Variants in MUC5B observed in about 807,000 individuals in gnomAD.
The protein encoded by MUC5B is mucin-5B.
Under a neutral mutation model 376.9 loss-of-function variants are expected in MUC5B, and 116 were observed. That is an observed-to-expected ratio of 0.31 (90% CI 0.26 to 0.36). The LOEUF (loss-of-function observed/expected upper bound fraction) is 0.36. MUC5B is among the 10% of genes least tolerant of loss of function. The pLI, the probability that MUC5B is intolerant of heterozygous loss-of-function variation, is 1.00. For missense variants in MUC5B, 7,165 were observed against 7,769.9 expected (o/e 0.92, Z 2.93); for synonymous variants, 3,517 against 3,390.9 (o/e 1.04, Z -1.29).
In MUC5B at chr11:1,235,243, A is replaced by G. The variant is rs2133816444; in HGVS notation, c.2769+20A>G. On this transcript the variant is annotated intron_variant, in intron 22 of 48. Coordinates refer to ENST00000529681, the MANE Select transcript of MUC5B (RefSeq NM_002458.3). Reference sequence around the variant, plus strand: ...GCCCAGGTACGCCGCCCCCTCGCCCACTCCTGCAGGCCGGGCACACTCCAG... The same window carrying G: ...GCCCAGGTACGCCGCCCCCTCGCCCGCTCCTGCAGGCCGGGCACACTCCAG... 2 of 1,609,828 alleles carry G rather than the reference A, an allele frequency of 1.2e-6. No homozygotes were observed. The highest frequency in any genetic ancestry group is 1.7e-6 in the Non-Finnish European group (2 of 1,177,912).
Position 1,229,184 on chromosome 11 carries a change from C to G in MUC5B, c.991C>G (p.Leu331Val), listed in dbSNP as rs764752557. 5 of 1,597,012 alleles carry G rather than the reference C, an allele frequency of 3.1e-6. No individual in the cohort carries two copies. Among genetic ancestry groups the G allele is most frequent in the African/African-American group, 1.3e-5 (1 of 74,622 alleles). ...CTTTTGCGCAGCCCGGACCTGCCCCCTCAACATGCAGCACCAGGAGTGTGG... is the reference window on the plus strand; with the variant it reads ...CTTTTGCGCAGCCCGGACCTGCCCCGTCAACATGCAGCACCAGGAGTGTGG... ...CPELCPRTCP[L>V]NMQHQECGSP... Residue 331 changes from leucine to valine, a missense_variant, in exon 9 of 49, where the codon CTC becomes GTC. By Grantham distance (32) the Leu-to-Val change is conservative. Coordinates refer to ENST00000529681, the MANE Select transcript of MUC5B (RefSeq NM_002458.3).
rs371537386 is a variant in MUC5B at position 1,230,538 on chromosome 11, G to A, written c.1408G>A (p.Gly470Ser). 30 of 1,611,582 alleles carry A rather than the reference G, an allele frequency of 1.9e-5. No homozygotes were observed. The highest frequency in any genetic ancestry group is 1.4e-4 in the South Asian group (13 of 90,822). The change falls in exon 12 of 49, where the codon GGC becomes AGC. Residue 470 changes from glycine to serine, a missense_variant. Transcript: ENST00000529681. ...CGTGCTGGCTGAGCTGCGGAAGTGC[G>A]GCCTGACGGACAACGAGAACTGCCT... ...FTVLAELRKC[G>S]LTDNENCLKA...
chr11:1,246,348 C>T lies in MUC5B; in HGVS notation c.9468C>T (p.Ser3156=), dbSNP rs779485206. ...AATGPTATPS[S]TPGTTWILTE... is the part of the protein sequence containing the mutation. ...CTGGCCCCACGGCCACCCCGTCCTC[C>T]ACCCCAGGGACCACCTGGATCCTCA... The change falls in exon 31 of 49, where the codon TCC becomes TCT. Residue 3156 remains serine (S), a synonymous_variant. Coordinates refer to ENST00000529681, the MANE Select transcript of MUC5B (RefSeq NM_002458.3). The T allele has an allele frequency of 1.2e-6, 2 of 1,603,690 alleles. No homozygotes were observed. The highest frequency in any genetic ancestry group is 1.7e-6 in the Non-Finnish European group (2 of 1,173,346).
chr11:1,244,912 T>C lies in MUC5B; in HGVS notation c.8032T>C (p.Ser2678Pro), dbSNP rs553749352. 1 of 1,593,554 alleles carries C rather than the reference T, an allele frequency of 6.3e-7. No homozygotes were observed. The highest frequency in any genetic ancestry group is 1.4e-5 in the African/African-American group (1 of 70,292). The change falls in exon 31 of 49, where the codon TCC (serine) becomes CCC (proline). Residue 2678 changes from serine (S) to proline (P), a missense_variant. Physicochemically the swap from Ser to Pro is moderately conservative, Grantham distance 74. Coordinates refer to ENST00000529681, the MANE Select transcript of MUC5B (RefSeq NM_002458.3). Reference protein sequence around the residue: ...TVATGSMATPSSSTQTSGTPP... With the variant: ...TVATGSMATPPSSTQTSGTPP... ...GGCCACTGGTTCTATGGCAACACCC[T>C]CCTCTAGCACACAGACCAGTGGTAC...
At chr11:1,240,776 T>C in intron 30 of MUC5B, 75 bp from the exon 31 acceptor site, 1 of 1,393,378 alleles carries the variant, frequency 7.2e-7, no homozygotes, top group Non-Finnish European at 9.7e-7. Context: ...GAAAGGGTCC[T>C]CTGGGGCCCC....
At chr11:1,252,759 T>C in intron 32 of MUC5B, 50 bp from the exon 33 acceptor site, 1 of 1,546,884 alleles carries the variant, frequency 6.5e-7, no homozygotes, top group South Asian at 1.2e-5. Context: ...GAGCCGTGGA[T>C]GGGTCCCGTG....
rs914026271 is a variant in MUC5B, at chr11:1,233,351, C to T, written c.2321+83C>T. ...CTCCCCGAAGGCTTCTGTGCCTCCC[C>T]CCGAGGGTTCTGAGACATGAGGGGC... On this transcript the variant is annotated intron_variant, in intron 18 of 48. Transcript: ENST00000529681. 5.7e-6 allele frequency: 8 copies of T among 1,405,084 alleles called. No individual in the cohort carries two copies. In the East Asian group the frequency reaches 7.5e-5, roughly 13 times the overall value. The allele number at this position is 1,405,084 out of a possible 1,614,324, so 87.0% of individuals were successfully genotyped here. A position where few individuals can be genotyped will look rare whatever the true frequency, so the allele number is the denominator to read the frequency against.
Position 1,243,711 on chromosome 11 carries a change from G to T in MUC5B, c.6831G>T (p.Thr2277=), listed in dbSNP as rs200834421. ...GGACGACCACCCCGGGCCACACCACGGCCACCTCCAGGACCACAGCCACGG... is the reference window on the plus strand; with the variant it reads ...GGACGACCACCCCGGGCCACACCACTGCCACCTCCAGGACCACAGCCACGG... ...SPGTTTPGHT[T]ATSRTTATAT... Residue 2277 remains threonine, a synonymous_variant, in exon 31 of 49, where the codon ACG becomes ACT. Transcript: ENST00000529681. 4.3e-6 allele frequency: 7 copies of T among 1,611,014 alleles called. No homozygotes were observed. The highest frequency in any genetic ancestry group is 5.9e-6 in the Non-Finnish European group (7 of 1,179,516).
At position 1,261,940 on chromosome 11, in the gene MUC5B, G is replaced by A. The variant is rs891618228; in HGVS notation, c.*332G>A. On this transcript the variant is annotated 3_prime_UTR_variant, in exon 49 of 49. Coordinates refer to ENST00000529681, the MANE Select transcript of MUC5B (RefSeq NM_002458.3). ...TGTCCCTGCCACGGCCGGAGCGCCC[G>A]CGCAGCACGGATTCCAGCTGGCCAC... 3.1e-5 allele frequency: 17 copies of A among 541,266 alleles called. No homozygotes were observed. The highest frequency in any genetic ancestry group is 7.5e-5 in the African/African-American group (4 of 53,428). The allele number at this position is 541,266 out of a possible 1,614,324, so 33.5% of individuals were successfully genotyped here.
chr11:1,233,668 G>C (rs1486492664), intron 18 of MUC5B, 125 bp from the exon 19 acceptor site: 1 of 898,314 alleles, frequency 1.1e-6, no homozygotes, highest in Non-Finnish European at 1.8e-6. Flanking sequence ...AGCAGGCACC[G>C]TCTGGCCTTA....
chr11:1,249,910 C>G lies in MUC5B; in HGVS notation c.13030C>G (p.Pro4344Ala). 1.2e-6 allele frequency: 2 copies of G among 1,613,238 alleles called. No individual in the cohort carries two copies. Among genetic ancestry groups the G allele is most frequent in the Non-Finnish European group, 1.7e-6 (2 of 1,179,716 alleles). Residue 4344 changes from proline to alanine, a missense_variant, in exon 31 of 49, where the codon CCC becomes GCC. This residue lies in a region of MUC5B where 431 missense variants were observed against 390.4 expected (regional missense o/e 1.10). Transcript: ENST00000529681. ...TGTLPEQTTT[P>A]VATMSTIHPS... is the part of the protein sequence containing the mutation. ...GACCCTCCCAGAACAGACCACCACA[C>G]CCGTGGCCACCATGTCCACAATCCA...
rs767032586 is a variant in MUC5B at position 1,242,859 on chromosome 11, C to A, written c.5979C>A (p.Thr1993=). The part of the protein sequence containing the change: ...IPSSSLGTTW[T]RLSQTTTPTA... Reference sequence around the variant, plus strand: ...CTTCCTCCCTGGGCACCACCTGGACCCGCCTATCACAGACCACCACACCCA... The same window carrying A: ...CTTCCTCCCTGGGCACCACCTGGACACGCCTATCACAGACCACCACACCCA... The change falls in exon 31 of 49, where the codon ACC becomes ACA. Residue 1993 remains threonine (T), a synonymous_variant. Coordinates refer to ENST00000529681, the MANE Select transcript of MUC5B (RefSeq NM_002458.3). 1.9e-6 allele frequency: 3 copies of A among 1,613,296 alleles called. No individual in the cohort carries two copies. The African/African-American group carries it at 4.0e-5, about 22-fold the overall frequency.
In MUC5B at chr11:1,232,020, A is replaced by C; in HGVS notation, c.1703A>C (p.Asn568Thr). The C allele has an allele frequency of 6.2e-7, 1 of 1,612,728 alleles. No homozygotes were observed. The highest frequency in any genetic ancestry group is 8.5e-7 in the Non-Finnish European group (1 of 1,179,810). Residue 568 changes from asparagine (N) to threonine (T), a missense_variant, in exon 15 of 49, where the codon AAC becomes ACC. By Grantham distance (65) the Asn-to-Thr change is moderately conservative (BLOSUM62 0). Transcript: ENST00000529681. ...GGCCTGTGTGGGAACTTCAACCAGA[A>C]CCAGGCTGACGACTTCACGGCCCTC... Reference protein sequence around the residue: ...MCGLCGNFNQNQADDFTALSG... With the variant: ...MCGLCGNFNQTQADDFTALSG...
chr11:1,233,154 C>T lies in MUC5B; in HGVS notation c.2207C>T (p.Ala736Val), dbSNP rs748784024. The change falls in exon 18 of 49, where the codon GCG becomes GTG. Residue 736 changes from alanine (A) to valine (V), a missense_variant. Ala to Val is a moderately conservative substitution (Grantham distance 64). Coordinates refer to ENST00000529681, the MANE Select transcript of MUC5B (RefSeq NM_002458.3). ...FVPVDGCTCP[A>V]GTFLNDAGAC... Reference sequence around the variant, plus strand: ...CCTGTGGACGGCTGCACCTGCCCCGCGGGCACCTTCCTCAATGACGCGGGC... The same window carrying T: ...CCTGTGGACGGCTGCACCTGCCCCGTGGGCACCTTCCTCAATGACGCGGGC... The T allele has an allele frequency of 1.8e-5, 29 of 1,606,436 alleles. No individual in the cohort carries two copies. The highest frequency in any genetic ancestry group is 6.7e-5 in the East Asian group (3 of 44,868).
At position 1,227,026 on chromosome 11, in the gene MUC5B, C is replaced by G. The variant is rs749699981; in HGVS notation, c.462-5C>G. ...GCCCAGGGAGAGACCCCGCTGTCTG[C>G]GCAGGGAGGAGCTGCCTTACAGCCG... On this transcript the variant is annotated splice_polypyrimidine_tract_variant and splice_region_variant and intron_variant, in intron 4 of 48. Coordinates refer to ENST00000529681, the MANE Select transcript of MUC5B (RefSeq NM_002458.3). 1 of 1,605,624 alleles carries G rather than the reference C, an allele frequency of 6.2e-7. No homozygotes were observed. Among genetic ancestry groups the G allele is most frequent in the Non-Finnish European group, 8.5e-7 (1 of 1,175,820 alleles).
chr11:1,236,570 C>T lies in MUC5B; in HGVS notation c.3057+8C>T, dbSNP rs538148182. On this transcript the variant is annotated splice_region_variant and intron_variant, in intron 24 of 48. Transcript: ENST00000529681. ...CTGCACCAGGACTACAAGGTGAGCT[C>T]GGGCCGTGCACTCCTAGGCCCTGCA... The T allele has an allele frequency of 3.3e-5, 53 of 1,611,640 alleles. 1 individual carries two copies. In the Admixed American group the frequency reaches 5.8e-4, roughly 18 times the overall value.
At position 1,233,191 on chromosome 11, in the gene MUC5B, C is replaced by T. The variant is rs762082473; in HGVS notation, c.2244C>T (p.Pro748=). The change falls in exon 18 of 49, where the codon CCC becomes CCT. Residue 748 remains proline (P), a synonymous_variant. Transcript: ENST00000529681. ...TFLNDAGACV[P]AQECPCYAHG... is the part of the protein sequence containing the mutation. ...TCAATGACGCGGGCGCCTGTGTGCC[C>T]GCCCAGGAGTGCCCCTGCTACGCTC... 2.5e-5 allele frequency: 40 copies of T among 1,603,232 alleles called. No homozygotes were observed. Among genetic ancestry groups the T allele is most frequent in the Admixed American group, 8.4e-5 (5 of 59,428 alleles).
chr11:1,252,268 G>T, intron 31 of MUC5B, 75 bp from the exon 32 acceptor site: 1 of 1,428,570 alleles, frequency 7.0e-7, no homozygotes, highest in Admixed American at 2.3e-5. Context: ...GCTGACCTCT[G>T]CCTTTGCTCT....
At chr11:1,228,188 G>A (rs1016750472) in intron 7 of MUC5B, among the ~76,000 whole-genome samples, 12 of 152,184 alleles carry the variant, frequency 7.9e-5, no homozygotes, top group Admixed American at 5.9e-4. Flanking sequence ...GCTGGGCCCC[G>A]CAGCCGGCAG....
Sources: gnomAD v4.1 joint callset for allele counts (sites outside exome capture counted in the v4.1 genomes callset) on GRCh38, gnomAD v4.1.1 for gene constraint, gnomAD v4.1.1 regional missense constraint, MANE v1.5 for transcripts, NCBI Gene and HGNC (gene_info 2026-07-23, HGNC 2026-07-21) for gene names.